Variants in GABRG3 observed in about 807,000 individuals in gnomAD.
GABRG3 encodes the protein gamma-aminobutyric acid type A receptor subunit gamma3.
In GABRG3, 25 loss-of-function variants were observed where a neutral mutation model predicts 48.8. That is an observed-to-expected ratio of 0.51 (90% CI 0.37 to 0.72). The LOEUF (loss-of-function observed/expected upper bound fraction) is 0.72. Ranked by LOEUF, GABRG3 falls within the 30% of genes least tolerant of loss-of-function variation. The pLI, the probability that GABRG3 is intolerant of heterozygous loss-of-function variation, is 0.00. For missense variants in GABRG3, 394 were observed against 577.9 expected, an observed-to-expected ratio of 0.68 and a Z score of 3.26; for synonymous variants, 227 against 217.6, an observed-to-expected ratio of 1.04 and a Z score of -0.38.
At chr15:27,453,991 G>A (rs752155231) in intron 5 of GABRG3, among the ~76,000 whole-genome samples, 1 of 151,982 alleles carries the variant, frequency 6.6e-6, no homozygotes, top group African/African-American at 2.4e-5. Flanking sequence ...GCTTCCCTCC[G>A]TGGTCCTGTC....
chr15:27,530,831 G>A (rs1025262628), intron 9 of GABRG3: 8 of 386,678 alleles, frequency 2.1e-5, no homozygotes, highest in African/African-American at 6.3e-5. Context: ...ATGAAGCAAC[G>A]AGTGGATGAA....
Position 26,971,374 on chromosome 15 carries a change from C to G in GABRG3, c.-162C>G. 2 of 433,864 alleles carry G rather than the reference C, an allele frequency of 4.6e-6. No homozygotes were observed. Among genetic ancestry groups the G allele is most frequent in the Non-Finnish European group, 7.5e-6 (2 of 265,040 alleles). The allele number at this position is 433,864 out of a possible 1,614,324, so 26.9% of individuals were successfully genotyped here. On this transcript the variant is annotated 5_prime_UTR_variant, in exon 1 of 10. Transcript: ENST00000615808. ...CCGTGTGCGTCCAGTGTGCGCCCCG[C>G]GGGGGCGCGGCCAGCGCCAGAGTAG...
intron 3 of GABRG3, among the ~76,000 whole-genome samples, chr15:27,297,468 A>T (rs73363124): frequency 1.3e-5 from 2 of 152,232 alleles, no homozygotes; most frequent in East Asian, 3.9e-4. Flanking sequence ...CTTTTATACT[A>T]TATTTTTACC....
chr15:27,433,618 A>C (rs1363062495), intron 5 of GABRG3, among the ~76,000 whole-genome samples: 1 of 152,218 alleles, frequency 6.6e-6, no homozygotes, highest in Non-Finnish European at 1.5e-5. Context: ...CTAATTAATC[A>C]AAATGATCCC....
At chr15:27,346,120 AAG>A (rs1301908940) in intron 5 of GABRG3, among the ~76,000 whole-genome samples, 5 of 151,042 alleles carry the variant, frequency 3.3e-5, no homozygotes, top group African/African-American at 1.2e-4. Context: ...AAAGGAAAGA[AAG>A]AGAAAGAAAG....
chr15:27,329,929 T>C (rs1009305439), intron 5 of GABRG3, among the ~76,000 whole-genome samples: 4 of 152,242 alleles, frequency 2.6e-5, no homozygotes, highest in African/African-American at 7.2e-5. Context: ...ATTCAGTTTA[T>C]TGTATTGGCT....
chr15:27,202,480 T>G (rs768469277), intron 3 of GABRG3, among the ~76,000 whole-genome samples: 1 of 152,332 alleles, frequency 6.6e-6, no homozygotes, highest in Non-Finnish European at 1.5e-5. Context: ...TTTGTAAATT[T>G]TAATAGATTG....
chr15:27,097,758 A>G (rs1407696390), intron 3 of GABRG3, among the ~76,000 whole-genome samples: 2 of 152,096 alleles, frequency 1.3e-5, no homozygotes, highest in East Asian at 3.9e-4. Context: ...AGGCCACTCA[A>G]CAGCCTGAAT....
chr15:27,150,067 A>G (rs1424609387), intron 3 of GABRG3, among the ~76,000 whole-genome samples: 1 of 152,228 alleles, frequency 6.6e-6, no homozygotes, highest in South Asian at 2.1e-4. Context: ...TAGAAACTCA[A>G]TTAACTACCC....
chr15:27,338,216 G>T lies in GABRG3; in HGVS notation c.574+9328G>T, dbSNP rs539339703. Among the ~76,000 whole-genome samples, 16 of 152,240 alleles carry T rather than the reference G, an allele frequency of 1.1e-4. No homozygotes were observed. The South Asian group carries it at 2.1e-3, about 20-fold the overall frequency. On this transcript the variant is annotated intron_variant, in intron 5 of 9. Transcript: ENST00000615808. ...TCCGCCTCAGGAAATGGAAACACAT[G>T]TCCGCATCACCTGCTGCTTTTGATA...
intron 3 of GABRG3, among the ~76,000 whole-genome samples, chr15:27,214,811 G>T (rs1158824245): frequency 2.0e-5 from 3 of 151,878 alleles, no homozygotes; most frequent in Non-Finnish European, 4.4e-5. Flanking sequence ...AGGCCCTGCT[G>T]GTGAGGTGAG....
intron 5 of GABRG3, among the ~76,000 whole-genome samples, chr15:27,423,018 C>T (rs552912028): frequency 6.6e-6 from 1 of 152,090 alleles, no homozygotes; most frequent in Non-Finnish European, 1.5e-5. Flanking sequence ...TGTCTCTGCT[C>T]AGGGAAGCCA....
intron 3 of GABRG3, among the ~76,000 whole-genome samples, chr15:27,167,660 A>G (rs1014213646): frequency 6.6e-6 from 1 of 152,192 alleles, no homozygotes; most frequent in Admixed American, 6.5e-5. Context: ...AGCAGAGGAA[A>G]CAGCTGCTCC....
intron 3 of GABRG3, among the ~76,000 whole-genome samples, chr15:27,311,890 T>C (rs1353384650): frequency 1.3e-5 from 2 of 151,814 alleles, no homozygotes; most frequent in Non-Finnish European, 2.9e-5. Context: ...TTGGGAGAGG[T>C]CGCTGTTTTA....
chr15:27,095,863 C>T (rs550621723), intron 3 of GABRG3, among the ~76,000 whole-genome samples: 28 of 152,210 alleles, frequency 1.8e-4, no homozygotes, highest in Non-Finnish European at 3.7e-4. Context: ...GATGCCTGAT[C>T]CCTTCTCTGC....
intron 5 of GABRG3, among the ~76,000 whole-genome samples, chr15:27,337,433 T>C (rs1894013242): frequency 6.6e-6 from 1 of 152,240 alleles, no homozygotes; most frequent in South Asian, 2.1e-4. Flanking sequence ...TGAACTATTT[T>C]AATAAAATAG....
chr15:27,227,600 T>C (rs1333363355), intron 3 of GABRG3, among the ~76,000 whole-genome samples: 1 of 152,150 alleles, frequency 6.6e-6, no homozygotes, highest in East Asian at 1.9e-4. Flanking sequence ...GGCAGGAGGA[T>C]TGCTTGAGCC....
chr15:27,407,319 C>G (rs1887668004), intron 5 of GABRG3, among the ~76,000 whole-genome samples: 1 of 152,164 alleles, frequency 6.6e-6, no homozygotes, highest in African/African-American at 2.4e-5. Flanking sequence ...CCAGCAAATG[C>G]TGGCAAGGAT....
intron 5 of GABRG3, among the ~76,000 whole-genome samples, chr15:27,446,254 T>C (rs890273269): frequency 4.6e-5 from 7 of 152,234 alleles, no homozygotes; most frequent in Non-Finnish European, 7.3e-5. Flanking sequence ...CTTAACAATA[T>C]TAAATCTTCT....
Sources: allele counts gnomAD v4.1 joint callset (sites outside exome capture counted in the v4.1 genomes callset), GRCh38; gene constraint gnomAD v4.1.1; transcripts MANE v1.5; gene names NCBI Gene and HGNC (gene_info 2026-07-23, HGNC 2026-07-21).